The following EYS variants were observed in gnomAD, a reference collection of about 807,000 sequenced individuals.
The protein encoded by EYS is protein eyes shut homolog.
A neutral mutation model predicts 282.1 loss-of-function variants in EYS; 250 were observed. The ratio of observed to expected loss-of-function variants is 0.89; its 90% CI spans 0.80 to 0.98. EYS has a LOEUF of 0.98. Ranked by LOEUF, EYS falls within the 50% of genes least tolerant of loss-of-function variation. EYS has a pLI of 0.00. For synonymous variants in EYS, 1,355 were observed against 1,282.9 expected, an observed-to-expected ratio of 1.06 and a Z score of -1.20; for missense variants, 4,016 against 3,709.0, an observed-to-expected ratio of 1.08 and a Z score of -2.15.
chr6:64,843,083 C>T (rs1765613491), intron 19 of EYS, among the ~76,000 whole-genome samples: 1 of 152,112 alleles, frequency 6.6e-6, no homozygotes, highest in African/African-American at 2.4e-5. Flanking sequence ...CCCAGGGTCT[C>T]CATGCTGTGT....
At chr6:63,847,183 A>G (rs947414751) in intron 36 of EYS, among the ~76,000 whole-genome samples, 9 of 152,216 alleles carry the variant, frequency 5.9e-5, no homozygotes, top group Non-Finnish European at 1.2e-4. Flanking sequence ...TGACTTGATT[A>G]TATAAGACCA....
At chr6:64,595,694 C>G (rs191617535) in intron 24 of EYS, among the ~76,000 whole-genome samples, 1 of 152,100 alleles carries the variant, frequency 6.6e-6, no homozygotes, top group East Asian at 1.9e-4. Flanking sequence ...TCACAATAGC[C>G]TCACAAAAGA....
chr6:64,814,544 A>T (rs1178997476), intron 21 of EYS, among the ~76,000 whole-genome samples: 1 of 152,056 alleles, frequency 6.6e-6, no homozygotes, highest in Non-Finnish European at 1.5e-5. Flanking sequence ...AGCTTCTACC[A>T]TATCATACCA....
At chr6:64,080,361 TG>T (rs1226602953) in intron 32 of EYS, among the ~76,000 whole-genome samples, 1 of 152,242 alleles carries the variant, frequency 6.6e-6, no homozygotes, top group East Asian at 1.9e-4. Context: ...TGTCTTCTTT[TG>T]AGAAGTGTCT....
intron 35 of EYS, among the ~76,000 whole-genome samples, chr6:63,980,926 C>T (rs1767059814): frequency 6.6e-6 from 1 of 151,806 alleles, no homozygotes; most frequent in East Asian, 1.9e-4. Context: ...AGTGGGTTAC[C>T]AAAATCATGA....
At chr6:64,114,894 T>C (rs1458369560) in intron 31 of EYS, among the ~76,000 whole-genome samples, 2 of 152,062 alleles carry the variant, frequency 1.3e-5, no homozygotes, top group Non-Finnish European at 2.9e-5. Flanking sequence ...AACAAGAAGC[T>C]ACAGATGTGC....
At chr6:64,234,118 A>C (rs1766512967) in intron 30 of EYS, among the ~76,000 whole-genome samples, 3 of 152,306 alleles carry the variant, frequency 2.0e-5, no homozygotes, top group Admixed American at 1.3e-4. Flanking sequence ...CGCTGCCAGA[A>C]GACCCTTGAG....
intron 14 of EYS, among the ~76,000 whole-genome samples, chr6:64,975,285 A>G (rs957042693): frequency 3.3e-5 from 5 of 151,796 alleles, no homozygotes; most frequent in African/African-American, 1.2e-4. Flanking sequence ...GCAAAAAGAC[A>G]GCTTTCCTTG....
intron 29 of EYS, among the ~76,000 whole-genome samples, chr6:64,343,670 A>T (rs1771232269): frequency 6.6e-6 from 1 of 152,168 alleles, no homozygotes; most frequent in Non-Finnish European, 1.5e-5. Context: ...GAGCAAACAC[A>T]TTCAAAAGCT....
chr6:64,312,882 C>T (rs6906047), intron 29 of EYS, among the ~76,000 whole-genome samples: 100,966 of 151,976 alleles, frequency 0.66, 33,690 homozygotes, highest in South Asian at 0.71. Context: ...CTGAAGGTCA[C>T]CAACATCAAA....
At position 64,278,717 on chromosome 6, in the gene EYS, ACTCT is replaced by A. The variant is rs113366162; in HGVS notation, c.6191+28249_6191+28252del. 5.6e-4 allele frequency among the ~76,000 whole-genome samples: 79 copies of A among 142,128 alleles called. 1 individual carries two copies. Among genetic ancestry groups the A allele is most frequent in the South Asian group, 5.2e-3 (23 of 4,400 alleles). The allele number at this position is 142,128 out of a possible 152,430, so 93.2% of individuals were successfully genotyped here. ...ATTAGTCTAGTTTGGTCAGCCAAAAACTCTCTCTCTCTCTCTCTCTCTTTCTCTC... is the reference window on the plus strand; with the variant it reads ...ATTAGTCTAGTTTGGTCAGCCAAAAACTCTCTCTCTCTCTCTCTTTCTCTC... On this transcript the variant is annotated intron_variant, in intron 30 of 42. Coordinates refer to ENST00000503581, the MANE Select transcript of EYS (RefSeq NM_001142800.2).
chr6:65,497,698 C>T (rs1266931944), intron 2 of EYS, among the ~76,000 whole-genome samples: 1 of 152,032 alleles, frequency 6.6e-6, no homozygotes, highest in African/African-American at 2.4e-5. Context: ...CCTCACTTAA[C>T]TTTGTCCATA....
At chr6:65,619,565 C>T (rs1443744828) in intron 2 of EYS, among the ~76,000 whole-genome samples, 2 of 152,070 alleles carry the variant, frequency 1.3e-5, no homozygotes, top group African/African-American at 4.8e-5. Context: ...TGCCTAATTG[C>T]CCTGGCCAGA....
At chr6:64,557,537 T>C (rs1387244564) in intron 26 of EYS, among the ~76,000 whole-genome samples, 1 of 152,016 alleles carries the variant, frequency 6.6e-6, no homozygotes, top group African/African-American at 2.4e-5. Flanking sequence ...TCAATTACAA[T>C]AATGTTGTAT....
chr6:64,259,971 A>G (rs746879858), intron 30 of EYS, among the ~76,000 whole-genome samples: 1 of 152,006 alleles, frequency 6.6e-6, no homozygotes, highest in Non-Finnish European at 1.5e-5. Flanking sequence ...TTCCTTCTAA[A>G]TAACAGGAAT....
At chr6:65,155,963 A>C (rs2150218267) in intron 12 of EYS, among the ~76,000 whole-genome samples, 1 of 151,600 alleles carries the variant, frequency 6.6e-6, no homozygotes, top group East Asian at 2.0e-4. Flanking sequence ...CAGAAGAGTA[A>C]CAAGGAAGAT....
intron 12 of EYS, among the ~76,000 whole-genome samples, chr6:65,089,527 C>T (rs1344487867): frequency 6.6e-6 from 1 of 152,126 alleles, no homozygotes; most frequent in Non-Finnish European, 1.5e-5. Flanking sequence ...TTACCCGATG[C>T]TGGTATCCCC....
intron 22 of EYS, among the ~76,000 whole-genome samples, chr6:64,744,042 CAT>C (rs976925644): frequency 2.6e-5 from 4 of 152,058 alleles, no homozygotes; most frequent in African/African-American, 9.7e-5. Context: ...CTTTACATGA[CAT>C]TAAAATATTG....
Position 65,360,276 on chromosome 6 carries a change from A to C in EYS, c.1300-6659T>G, listed in dbSNP as rs9453269. Among the ~76,000 whole-genome samples the C allele has an allele frequency of 1.5e-4, 23 of 151,782 alleles. No homozygotes were observed. The East Asian group carries it at 3.5e-3, about 23-fold the overall frequency. On this transcript the variant is annotated intron_variant, in intron 8 of 42. Coordinates refer to ENST00000503581, the MANE Select transcript of EYS (RefSeq NM_001142800.2). Reference sequence around the variant, plus strand: ...TGTAATGATCTTTCAAAAAGCAATGATGAATTTACATAAATTAATGTTCAA... The same window carrying C: ...TGTAATGATCTTTCAAAAAGCAATGCTGAATTTACATAAATTAATGTTCAA...
Sources: allele counts gnomAD v4.1 joint callset (sites outside exome capture counted in the v4.1 genomes callset), GRCh38; gene constraint gnomAD v4.1.1; transcripts MANE v1.5; gene names NCBI Gene and HGNC (gene_info 2026-07-23, HGNC 2026-07-21).